PRDM16: variants seen among roughly 807,000 people sequenced by gnomAD.
The protein encoded by PRDM16 is PR/SET domain 16, also known as histone-lysine N-methyltransferase PRDM16.
In PRDM16, 23 loss-of-function variants were observed where a neutral mutation model predicts 110.6. The ratio of observed to expected loss-of-function variants is 0.21; its 90% CI spans 0.15 to 0.29. The LOEUF is 0.29. Among genes scored for constraint, PRDM16 ranks in the 10% least tolerant of loss-of-function variants. The pLI is 1.00. For missense variants in PRDM16, 1,615 were observed against 1,794.3 expected (o/e 0.90, Z 1.81); for synonymous variants, 799 against 781.8 (o/e 1.02, Z -0.37).
intron 2 of PRDM16, among the ~76,000 whole-genome samples, chr1:3,194,305 C>T (rs1358695769): frequency 1.3e-5 from 2 of 152,224 alleles, no homozygotes; most frequent in African/African-American, 2.4e-5. Flanking sequence ...GTGCAGGGCG[C>T]TTCCTTCTGT....
chr1:3,095,736 G>T (rs920491400), intron 1 of PRDM16, among the ~76,000 whole-genome samples: 1 of 152,138 alleles, frequency 6.6e-6, no homozygotes, highest in Non-Finnish European at 1.5e-5. Context: ...TTTGAGGGGG[G>T]CAGGGGTCAG....
rs564195803 is a variant in PRDM16, at chr1:3,225,251, G to A, written c.388-18836G>A. Among the ~76,000 whole-genome samples, 24 of 152,248 alleles carry A rather than the reference G, an allele frequency of 1.6e-4. No homozygotes were observed. The South Asian group carries it at 1.7e-3, about 11-fold the overall frequency. On this transcript the variant is annotated intron_variant, in intron 2 of 16. Coordinates refer to ENST00000270722, the MANE Select transcript of PRDM16 (RefSeq NM_022114.4). ...AAGTATAAATAAATCAGAAACACAC[G>A]GATCTCATTTCCTTTAAAATACCCG...
Position 3,425,887 on chromosome 1 carries a change from C to A in PRDM16, c.3109+137C>A. 7.9e-7 allele frequency: 1 copy of A among 1,270,336 alleles called. No individual in the cohort carries two copies. The allele number at this position is 1,270,336 out of a possible 1,614,324, so 78.7% of individuals were successfully genotyped here. A position where few individuals can be genotyped will look rare whatever the true frequency, so the allele number is the denominator to read the frequency against. On this transcript the variant is annotated intron_variant, in intron 13 of 16. Coordinates refer to ENST00000270722, the MANE Select transcript of PRDM16 (RefSeq NM_022114.4). The surrounding 1 kb of genome is among the most constrained non-coding windows in gnomAD (Gnocchi z 6.9). ...CTACCCCTCAGGAAGCCAACAGGCA[C>A]CCCTCAAACCGTGGTCATTAAAGAG...
chr1:3,361,850 G>A (rs950806285), intron 3 of PRDM16, among the ~76,000 whole-genome samples: 1 of 152,006 alleles, frequency 6.6e-6, no homozygotes, highest in African/African-American at 2.4e-5. Context: ...AGGGCAGGTG[G>A]TGAGAAGTGA....
chr1:3,390,190 C>T lies in PRDM16; in HGVS notation c.573+4904C>T, dbSNP rs529235734. ...GGAGGCAGGGAGGAGCTGTCACAGC[C>T]GGCGCTTTCTGTTTTTTGGTTTATC... is the stretch of plus-strand genomic sequence containing the variant. On this transcript the variant is annotated intron_variant, in intron 4 of 16. Coordinates refer to ENST00000270722, the MANE Select transcript of PRDM16 (RefSeq NM_022114.4). This position sits in a 1 kb window ranked among gnomAD's most constrained non-coding sequence, Gnocchi z 5.0. Among the ~76,000 whole-genome samples, 23 of 152,272 alleles carry T rather than the reference C, an allele frequency of 1.5e-4. No homozygotes were observed. The South Asian group carries it at 4.6e-3, about 30-fold the overall frequency.
At chr1:3,126,947 G>A (rs1433527451) in intron 1 of PRDM16, among the ~76,000 whole-genome samples, 1 of 152,196 alleles carries the variant, frequency 6.6e-6, no homozygotes, top group Non-Finnish European at 1.5e-5. Flanking sequence ...CAGCTGGGAG[G>A]CCCCTCGAGC....
chr1:3,196,189 G>A (rs944803653), intron 2 of PRDM16, among the ~76,000 whole-genome samples: 5 of 152,202 alleles, frequency 3.3e-5, no homozygotes, highest in East Asian at 1.9e-4. Context: ...GCCCAGACCC[G>A]GTTCCTGCCC....
intron 1 of PRDM16, among the ~76,000 whole-genome samples, chr1:3,171,033 TA>T (rs1308509082): frequency 4.6e-5 from 7 of 152,212 alleles, no homozygotes; most frequent in South Asian, 4.1e-4. Flanking sequence ...AAGGCTGGGA[TA>T]GGGGCACCCC....
At position 3,430,857 on chromosome 1, in the gene PRDM16, C is replaced by T. The variant is rs760392263; in HGVS notation, c.3285-15C>T. On this transcript the variant is annotated splice_polypyrimidine_tract_variant and intron_variant, in intron 14 of 16. Transcript: ENST00000270722. ...GACACCCAAACTCAGTCAATCTCCT[C>T]CTGCATCATTTCAGGGCGGACATGC... 1.2e-6 allele frequency: 2 copies of T among 1,613,278 alleles called. No homozygotes were observed. The highest frequency in any genetic ancestry group is 1.7e-6 in the Non-Finnish European group (2 of 1,179,428).
chr1:3,153,122 G>C lies in PRDM16; in HGVS notation c.38-33003G>C, dbSNP rs190172075. 2.0e-5 allele frequency among the ~76,000 whole-genome samples: 3 copies of C among 152,322 alleles called. 1 individual carries two copies. The East Asian group carries it at 5.8e-4, about 29-fold the overall frequency. ...CTCTTTTCTTCTGAGTGGGAACAGG[G>C]GTTGCCCCCACCTGGCCTCCCTGTT... On this transcript the variant is annotated intron_variant, in intron 1 of 16. Transcript: ENST00000270722.
intron 1 of PRDM16, among the ~76,000 whole-genome samples, chr1:3,083,387 G>A (rs1396774852): frequency 6.6e-6 from 1 of 152,246 alleles, no homozygotes; most frequent in Admixed American, 6.5e-5. Context: ...CGCTGGCGGG[G>A]CCTGCTGTGT....
intron 3 of PRDM16, among the ~76,000 whole-genome samples, chr1:3,365,942 A>ATG (rs1557635550): frequency 2.2e-5 from 2 of 90,542 alleles, no homozygotes; most frequent in Admixed American, 1.2e-4. Flanking sequence ...ATGCACACAA[A>ATG]CGCACACGCA....
chr1:3,405,578 G>A lies in PRDM16; in HGVS notation c.1116G>A (p.Gly372=), dbSNP rs757093442. Residue 372 remains glycine, a synonymous_variant, in exon 8 of 17, where the codon GGG becomes GGA. Transcript: ENST00000270722. Reference sequence around the variant, plus strand: ...GGGCCCACGCCTGCCCCGACTGCGGGAAGACCTTCGCCACGTCCTCCGGCC... The same window carrying A: ...GGGCCCACGCCTGCCCCGACTGCGGAAAGACCTTCGCCACGTCCTCCGGCC... ...GARAHACPDC[G]KTFATSSGLK... 37 of 1,611,386 alleles carry A rather than the reference G, an allele frequency of 2.3e-5. No homozygotes were observed. Among genetic ancestry groups the A allele is most frequent in the Non-Finnish European group, 2.9e-5 (34 of 1,179,232 alleles).
chr1:3,293,801 T>C (rs56009721), intron 3 of PRDM16, among the ~76,000 whole-genome samples: 30,237 of 152,198 alleles, frequency 0.2, 3,152 homozygotes, highest in East Asian at 0.32. Context: ...TGTTCCATCC[T>C]TTGTCGGCTT....
At chr1:3,218,593 C>T (rs1639084237) in intron 2 of PRDM16, among the ~76,000 whole-genome samples, 1 of 152,232 alleles carries the variant, frequency 6.6e-6, no homozygotes. Flanking sequence ...AAGGCCCTTC[C>T]TTAGAAAGGG....
At chr1:3,312,388 G>A (rs538659620) in intron 3 of PRDM16, among the ~76,000 whole-genome samples, 19 of 152,306 alleles carry the variant, frequency 1.2e-4, no homozygotes, top group African/African-American at 4.6e-4. Context: ...GGGTGTGGTG[G>A]GACCACAGGG....
rs146095222 is a variant in PRDM16, at chr1:3,141,980, G to A, written c.38-44145G>A. On this transcript the variant is annotated intron_variant, in intron 1 of 16. Transcript: ENST00000270722. Reference sequence around the variant, plus strand: ...AACGAGAACACTCATGGTGCACCGCGTTTCCGAAAACGTGGGGCCGCACTG... The same window carrying A: ...AACGAGAACACTCATGGTGCACCGCATTTCCGAAAACGTGGGGCCGCACTG... 7.9e-5 allele frequency among the ~76,000 whole-genome samples: 12 copies of A among 152,382 alleles called. No homozygotes were observed. In the East Asian group the frequency reaches 1.9e-3, roughly 25 times the overall value.
intron 3 of PRDM16, among the ~76,000 whole-genome samples, chr1:3,384,581 C>T (rs956472725): frequency 6.6e-6 from 1 of 152,196 alleles, no homozygotes; most frequent in African/African-American, 2.4e-5. Context: ...TGTGACTTTG[C>T]GGGCGTGGTG....
chr1:3,179,584 T>C (rs553749018), intron 1 of PRDM16, among the ~76,000 whole-genome samples: 1 of 152,284 alleles, frequency 6.6e-6, no homozygotes, highest in South Asian at 2.1e-4. Context: ...GGCAGATCCA[T>C]CAGGCAGCAT....
Sources: allele counts gnomAD v4.1 joint callset (sites outside exome capture counted in the v4.1 genomes callset), GRCh38; gene constraint gnomAD v4.1.1; non-coding constraint Gnocchi (gnomAD v3.1); transcripts MANE v1.5; gene names NCBI Gene and HGNC (gene_info 2026-07-23, HGNC 2026-07-21).